The following STARD9 variants were observed in gnomAD, a reference collection of about 807,000 sequenced individuals.
The protein encoded by STARD9 is stAR-related lipid transfer protein 9.
Under a neutral mutation model 399.8 loss-of-function variants are expected in STARD9, and 346 were observed. The ratio of observed to expected loss-of-function variants is 0.87; its 90% CI spans 0.79 to 0.95. The LOEUF (loss-of-function observed/expected upper bound fraction) is 0.95, where lower values mean the gene tolerates loss of function less well. Ranked by LOEUF, STARD9 falls within the 40% of genes least tolerant of loss-of-function variation. The pLI, the probability that STARD9 is intolerant of heterozygous loss-of-function variation, is 0.00. For synonymous variants in STARD9, 2,203 were observed against 2,143.5 expected, an observed-to-expected ratio of 1.03 and a Z score of -0.77; for missense variants, 5,832 against 5,667.5, an observed-to-expected ratio of 1.03 and a Z score of -0.93.
rs1206699172 is a variant in STARD9 at position 42,692,770 on chromosome 15, C to G, written c.11192C>G (p.Thr3731Ser). The stretch of plus-strand genomic sequence containing the variant: ...ATGATGGATGGCTCTACTCAGACCA[C>G]TGTGGATGAGGGCAGCCAGACTGAC... ...ALMMDGSTQT[T>S]VDEGSQTDLT... Residue 3731 changes from threonine (T) to serine (S), a missense_variant, in exon 23 of 33, where the codon ACT becomes AGT. Physicochemically the swap from Thr to Ser is moderately conservative, Grantham distance 58. Around this residue, in one of 2 missense-constraint regions of STARD9, gnomAD observed 5,828 missense variants for 5,651.1 expected, o/e 1.03. Transcript: ENST00000290607. 2 of 1,537,202 alleles carry G rather than the reference C, an allele frequency of 1.3e-6. No individual in the cohort carries two copies. The highest frequency in any genetic ancestry group is 2.7e-5 in the African/African-American group (2 of 73,136).
chr15:42,610,913 T>C (rs1481240546), intron 3 of STARD9, among the ~76,000 whole-genome samples: 2 of 152,226 alleles, frequency 1.3e-5, no homozygotes, highest in Non-Finnish European at 1.5e-5. Context: ...TTAACTTTGA[T>C]ATAGTATCAG....
rs1162568857 is a variant in STARD9, at chr15:42,684,389, G to A, written c.2811G>A (p.Gly937=). The A allele has an allele frequency of 1.3e-6, 2 of 1,537,140 alleles. No individual in the cohort carries two copies. The highest frequency in any genetic ancestry group is 3.9e-5 in the Admixed American group (2 of 51,000). The change falls in exon 23 of 33, where the codon GGG becomes GGA. Residue 937 remains glycine, a synonymous_variant. Coordinates refer to ENST00000290607, the MANE Select transcript of STARD9 (RefSeq NM_020759.3). ...NSVGIQEMEM[G]VKQPHQMVSQ... is the part of the protein sequence containing the mutation. Reference sequence around the variant, plus strand: ...TTGGCATCCAGGAAATGGAGATGGGGGTTAAGCAGCCCCATCAGATGGTGA... The same window carrying A: ...TTGGCATCCAGGAAATGGAGATGGGAGTTAAGCAGCCCCATCAGATGGTGA...
At chr15:42,626,354 T>TTCCTCTTCCTCTTCTTCCTCCTCTTCC (rs2059216259) in intron 3 of STARD9, among the ~76,000 whole-genome samples, 1 of 139,068 alleles carries the variant, frequency 7.2e-6, no homozygotes, top group Non-Finnish European at 1.5e-5. Context: ...CTTCCTCTTC[T>TTCCTCTTCCTCTTCTTCCTCCTCTTCC]TCCTCTTCCT....
intron 3 of STARD9, among the ~76,000 whole-genome samples, chr15:42,603,897 C>A (rs1259938039): frequency 6.6e-6 from 1 of 152,102 alleles, no homozygotes; most frequent in Admixed American, 6.6e-5. Context: ...ACTTCAGTTC[C>A]TATCTATAGG....
chr15:42,668,808 T>C (rs1057324493), intron 15 of STARD9, among the ~76,000 whole-genome samples: 1 of 152,086 alleles, frequency 6.6e-6, no homozygotes, highest in Non-Finnish European at 1.5e-5. Context: ...GAAAGGGAAA[T>C]TATAAACATA....
intron 3 of STARD9, among the ~76,000 whole-genome samples, chr15:42,619,793 G>T (rs544718627): frequency 2.0e-5 from 3 of 152,224 alleles, no homozygotes; most frequent in Non-Finnish European, 4.4e-5. Flanking sequence ...TTCCTGGTTG[G>T]GGAGCCCTGA....
chr15:42,603,407 G>A (rs977202595), intron 3 of STARD9, among the ~76,000 whole-genome samples: 3 of 152,094 alleles, frequency 2.0e-5, no homozygotes, highest in Non-Finnish European at 2.9e-5. Flanking sequence ...GAGCCACCAT[G>A]CCAGCCAAAA....
chr15:42,699,661 G>A (rs1299764065), intron 26 of STARD9, among the ~76,000 whole-genome samples: 2 of 151,566 alleles, frequency 1.3e-5, no homozygotes, highest in East Asian at 3.9e-4. Flanking sequence ...CCAAAATGCT[G>A]GGATTACAGA....
In STARD9 at chr15:42,664,815, CA is replaced by C. The variant is rs1566915703; in HGVS notation, c.1177-437del. On this transcript the variant is annotated intron_variant, in intron 13 of 32. Transcript: ENST00000290607. ...ACACACACACACACACACACACACACACACACACACCCCATACGTACACTGT... is the reference window on the plus strand; with the variant it reads ...ACACACACACACACACACACACACACCACACACACCCCATACGTACACTGT... Among the ~76,000 whole-genome samples, 186 of 152,102 alleles carry C rather than the reference CA, an allele frequency of 1.2e-3. 1 individual carries two copies. The highest frequency in any genetic ancestry group is 4.3e-3 in the African/African-American group (180 of 41,480).
intron 3 of STARD9, among the ~76,000 whole-genome samples, chr15:42,621,324 T>C (rs540933743): frequency 6.6e-6 from 1 of 152,238 alleles, no homozygotes; most frequent in Non-Finnish European, 1.5e-5. Flanking sequence ...GGTTATATTA[T>C]ATATTATATC....
In STARD9 at chr15:42,688,116, A is replaced by T; in HGVS notation, c.6538A>T (p.Ile2180Phe). 6.5e-7 allele frequency: 1 copy of T among 1,537,374 alleles called. No homozygotes were observed. The change falls in exon 23 of 33, where the codon ATT becomes TTT. Residue 2180 changes from isoleucine (I) to phenylalanine (F), a missense_variant. By Grantham distance (21) the Ile-to-Phe change is conservative. This residue lies in a region of STARD9 where 5,828 missense variants were observed against 5,651.1 expected (regional missense o/e 1.03). Coordinates refer to ENST00000290607, the MANE Select transcript of STARD9 (RefSeq NM_020759.3). ...TGGATCGGACAGACCTGCCAGGGAT[A>T]TTTGTGATTCTTTAGGGAAACACAC... ...PAGSDRPARD[I>F]CDSLGKHTTC...
At position 42,692,972 on chromosome 15, in the gene STARD9, C is replaced by CT; in HGVS notation, c.11395dup (p.Tyr3799LeufsTer41). 1 of 1,537,240 alleles carries CT rather than the reference C, an allele frequency of 6.5e-7. No individual in the cohort carries two copies. Among genetic ancestry groups the CT allele is most frequent in the Non-Finnish European group, 8.7e-7 (1 of 1,146,908 alleles). ...CAGCACAGAAAATGGCTCAGCTCCT[C>CT]TATCTTCAGGAAGAAAGCACTCCCT... On this transcript the variant is annotated frameshift_variant, in exon 23 of 33. Coordinates refer to ENST00000290607, the MANE Select transcript of STARD9 (RefSeq NM_020759.3). LOFTEE classifies it high-confidence loss of function.
At chr15:42,675,793 C>T (rs1301995210) in intron 19 of STARD9, 47 bp downstream of exon 19, 19 of 1,533,890 alleles carry the variant, frequency 1.2e-5, no homozygotes, top group Non-Finnish European at 1.7e-5. Flanking sequence ...TCCCTGTTTC[C>T]ACCTTTTAGA....
At chr15:42,645,586 G>T (rs1209448506) in intron 7 of STARD9, among the ~76,000 whole-genome samples, 7 of 150,374 alleles carry the variant, frequency 4.7e-5, no homozygotes, top group Non-Finnish European at 8.9e-5. Context: ...TTTTGAGAGA[G>T]GGAGGGTCTT....
At chr15:42,717,630 A>C in intron 28 of STARD9, 101 bp from the exon 29 acceptor site, 1 of 1,088,716 alleles carries the variant, frequency 9.2e-7, no homozygotes, top group Non-Finnish European at 1.4e-6. Context: ...GTCTCAAAAA[A>C]AAAGAAAAGG....
intron 15 of STARD9, 22 bp from the exon 16 acceptor site, chr15:42,669,136 A>T: frequency 6.6e-7 from 1 of 1,509,976 alleles, no homozygotes; most frequent in Non-Finnish European, 8.9e-7. Context: ...AGTGTCTCAG[A>T]TCACCTCCTA....
chr15:42,693,495 G>T lies in STARD9; in HGVS notation c.11917G>T (p.Gly3973Trp). 5.9e-6 allele frequency: 9 copies of T among 1,537,222 alleles called. No homozygotes were observed. Among genetic ancestry groups the T allele is most frequent in the Non-Finnish European group, 7.8e-6 (9 of 1,146,910 alleles). ...RGRSSLQRSN[G>W]RSFLELHSPH... ...TAGAAGTTCCTTACAAAGGAGTAATGGGAGATCCTTCCTTGAGTTGCACTC... is the reference window on the plus strand; with the variant it reads ...TAGAAGTTCCTTACAAAGGAGTAATTGGAGATCCTTCCTTGAGTTGCACTC... Residue 3973 changes from glycine (G) to tryptophan (W), a missense_variant, in exon 23 of 33, where the codon GGG (glycine) becomes TGG (tryptophan). Coordinates refer to ENST00000290607, the MANE Select transcript of STARD9 (RefSeq NM_020759.3).
chr15:42,647,716 C>G (rs912027604), intron 7 of STARD9, among the ~76,000 whole-genome samples: 9 of 151,962 alleles, frequency 5.9e-5, no homozygotes, highest in African/African-American at 2.2e-4. Flanking sequence ...GTATTGTGGT[C>G]TGCTTGTATT....
At chr15:42,643,983 T>C (rs1032904986) in intron 7 of STARD9, among the ~76,000 whole-genome samples, 3 of 152,218 alleles carry the variant, frequency 2.0e-5, no homozygotes, top group African/African-American at 7.2e-5. Context: ...TTTAATAGTA[T>C]TGAGTTCAGA....
Sources: gnomAD v4.1 joint callset for allele counts (sites outside exome capture counted in the v4.1 genomes callset) on GRCh38, gnomAD v4.1.1 for gene constraint, gnomAD v4.1.1 regional missense constraint, MANE v1.5 for transcripts, NCBI Gene and HGNC (gene_info 2026-07-23, HGNC 2026-07-21) for gene names.